The following DRC11 variants were observed in gnomAD, a reference collection of about 807,000 sequenced individuals.
DRC11 encodes dynein regulatory complex subunit 11, also known as IQ and AAA domain-containing protein 1.
the DRC11 span, chr2:236,408,838 T>G: frequency 6.1e-6 from 4 of 656,468 alleles, no homozygotes; most frequent in Non-Finnish European, 1.1e-5. The surrounding 1 kb of genome is among the most constrained non-coding windows in gnomAD (Gnocchi z 5.5). Context: ...CATGGCAGTG[T>G]CTCCACAATA....
the DRC11 span, among the ~76,000 whole-genome samples, chr2:236,373,740 T>G: frequency 6.6e-6 from 1 of 152,222 alleles, no homozygotes; most frequent in South Asian, 2.1e-4. Flanking sequence ...GAAGGAAGTG[T>G]GGCGCAGGAT....
the DRC11 span, chr2:236,324,781 G>A: frequency 1.3e-6 from 2 of 1,596,998 alleles, no homozygotes; most frequent in Non-Finnish European, 1.7e-6. The surrounding 1 kb of genome is among the most constrained non-coding windows in gnomAD (Gnocchi z 5.7). Context: ...TGGCATACCA[G>A]TTCTGAAATA....
the DRC11 span, chr2:236,377,111 T>A: frequency 1.9e-5 from 31 of 1,597,044 alleles, no homozygotes; most frequent in Non-Finnish European, 2.5e-5. This position sits in a 1 kb window ranked among gnomAD's most constrained non-coding sequence, Gnocchi z 4.9. Flanking sequence ...ACCAATGTAA[T>A]CAGAGAGGTT....
At chr2:236,343,345 C>T in the DRC11 span, among the ~76,000 whole-genome samples, 1 of 152,222 alleles carries the variant, frequency 6.6e-6, no homozygotes. The surrounding 1 kb of genome is among the most constrained non-coding windows in gnomAD (Gnocchi z 6.6). Flanking sequence ...GCACTGATGG[C>T]AAGCCCAGGG....
the DRC11 span, among the ~76,000 whole-genome samples, chr2:236,488,753 A>C: frequency 1.3e-5 from 2 of 152,254 alleles, no homozygotes; most frequent in African/African-American, 4.8e-5. Context: ...TTCAAACATG[A>C]TGAGTACTAG....
the DRC11 span, among the ~76,000 whole-genome samples, chr2:236,403,332 A>G: frequency 6.6e-6 from 1 of 151,894 alleles, no homozygotes; most frequent in African/African-American, 2.4e-5. Context: ...AGAGGCAGAG[A>G]GAAGAGGGAG....
chr2:236,347,527 T>TATATATATATA, the DRC11 span, among the ~76,000 whole-genome samples: 6 of 145,206 alleles, frequency 4.1e-5, no homozygotes, highest in Non-Finnish European at 7.7e-5. Context: ...TATATATATA[T>TATATATATATA]GATGGAATAC....
At chr2:236,501,595 A>G in the DRC11 span, among the ~76,000 whole-genome samples, 1 of 152,172 alleles carries the variant, frequency 6.6e-6, no homozygotes, top group Admixed American at 6.5e-5. Context: ...GATCAAGAAC[A>G]GAGGATCAGC....
chr2:236,495,596 T>A, the DRC11 span, among the ~76,000 whole-genome samples: 4 of 152,150 alleles, frequency 2.6e-5, no homozygotes, highest in African/African-American at 9.7e-5. The surrounding 1 kb of genome is among the most constrained non-coding windows in gnomAD (Gnocchi z 5.6). Flanking sequence ...CATGGCAGGT[T>A]ACAGACATAG....
At chr2:236,401,993 G>A in the DRC11 span, among the ~76,000 whole-genome samples, 7 of 152,196 alleles carry the variant, frequency 4.6e-5, no homozygotes, top group African/African-American at 9.7e-5. This position sits in a 1 kb window ranked among gnomAD's most constrained non-coding sequence, Gnocchi z 4.6. Context: ...CTGGTTTCCC[G>A]ATACACATGA....
the DRC11 span, among the ~76,000 whole-genome samples, chr2:236,505,989 G>C: frequency 6.6e-6 from 1 of 152,138 alleles, no homozygotes; most frequent in Non-Finnish European, 1.5e-5. Flanking sequence ...ACATTCACTT[G>C]AGTAAGTCTT....
chr2:236,450,429 C>T, the DRC11 span, among the ~76,000 whole-genome samples: 1 of 148,278 alleles, frequency 6.7e-6, no homozygotes, highest in East Asian at 2.0e-4. Flanking sequence ...AAGTGATTCT[C>T]GTGGGTCAGC....
the DRC11 span, chr2:236,331,740 G>T: frequency 1.6e-6 from 1 of 643,820 alleles, no homozygotes; most frequent in East Asian, 2.7e-5. The surrounding 1 kb of genome is among the most constrained non-coding windows in gnomAD (Gnocchi z 4.8). Flanking sequence ...CAAATGAACC[G>T]AAGCCAAGTA....
At chr2:236,312,140 A>G in the DRC11 span, among the ~76,000 whole-genome samples, 1 of 152,204 alleles carries the variant, frequency 6.6e-6, no homozygotes, top group Non-Finnish European at 1.5e-5. Flanking sequence ...CTAAGGACAT[A>G]TAGAGATAAG....
the DRC11 span, among the ~76,000 whole-genome samples, chr2:236,340,929 C>T: frequency 7.9e-5 from 12 of 152,152 alleles, no homozygotes; most frequent in Non-Finnish European, 1.8e-4. Context: ...ACTCAGACCA[C>T]CCCCATTCCA....
chr2:236,386,818 C>G, the DRC11 span, among the ~76,000 whole-genome samples: 30 of 150,032 alleles, frequency 2.0e-4, no homozygotes, highest in Non-Finnish European at 1.0e-4. Flanking sequence ...AAATTTCCCT[C>G]TACACACTGC....
At chr2:236,390,458 T>A in the DRC11 span, among the ~76,000 whole-genome samples, 1 of 152,218 alleles carries the variant, frequency 6.6e-6, no homozygotes, top group African/African-American at 2.4e-5. This position sits in a 1 kb window ranked among gnomAD's most constrained non-coding sequence, Gnocchi z 5.9. Flanking sequence ...TCCATATACA[T>A]CTGAAGTATT....
chr2:236,483,537 CA>C, the DRC11 span, among the ~76,000 whole-genome samples: 113 of 152,222 alleles, frequency 7.4e-4, no homozygotes, highest in African/African-American at 2.6e-3. This position sits in a 1 kb window ranked among gnomAD's most constrained non-coding sequence, Gnocchi z 4.8. Context: ...TGAGAGTTTA[CA>C]AACACAGATA....
chr2:236,368,039 G>A, the DRC11 span: 8 of 666,452 alleles, frequency 1.2e-5, no homozygotes, highest in Admixed American at 1.3e-4. Context: ...GCTGGTGGGT[G>A]CACTATCAAA....
Sources: gnomAD v4.1 joint callset for allele counts (sites outside exome capture counted in the v4.1 genomes callset) on GRCh38, gnomAD v4.1.1 for gene constraint, Gnocchi (gnomAD v3.1) non-coding constraint, MANE v1.5 for transcripts, NCBI Gene and HGNC (gene_info 2026-07-23, HGNC 2026-07-21) for gene names.